PPM1H: variants seen among roughly 807,000 people sequenced by gnomAD.
The protein encoded by PPM1H is protein phosphatase 1H.
PPM1H carries 27 observed loss-of-function variants against 54.9 expected under a neutral mutation model. The observed-to-expected ratio is 0.49, with a 90% CI of 0.36 to 0.68. PPM1H has a LOEUF of 0.68. Among genes scored for constraint, PPM1H ranks in the 30% least tolerant of loss-of-function variants. The pLI is 0.00. For missense variants in PPM1H, 596 were observed against 667.8 expected (o/e 0.89, Z 1.19); for synonymous variants, 305 against 270.8 (o/e 1.13, Z -1.24).
At chr12:62,735,544 C>T (rs2076345513) in intron 5 of PPM1H, among the ~76,000 whole-genome samples, 1 of 152,274 alleles carries the variant, frequency 6.6e-6, no homozygotes, top group Admixed American at 6.5e-5. Context: ...GTTCAGTAAA[C>T]AGATACTGGT....
chr12:62,830,879 G>A (rs986478106), intron 2 of PPM1H, among the ~76,000 whole-genome samples: 2 of 152,062 alleles, frequency 1.3e-5, no homozygotes, highest in African/African-American at 4.8e-5. Context: ...TTTTGAGATG[G>A]AGTCTGCACT....
intron 1 of PPM1H, among the ~76,000 whole-genome samples, chr12:62,859,758 C>T (rs1869529889): frequency 1.3e-5 from 2 of 152,190 alleles, no homozygotes; most frequent in Non-Finnish European, 2.9e-5. Flanking sequence ...CTTCACATCC[C>T]AAGGGACAAA....
intron 1 of PPM1H, among the ~76,000 whole-genome samples, chr12:62,878,142 C>T (rs986182575): frequency 2.0e-5 from 3 of 152,180 alleles, no homozygotes; most frequent in African/African-American, 7.2e-5. Context: ...TCGTGATCCA[C>T]CCACCTCGGC....
At chr12:62,838,018 C>T (rs1868555943) in intron 1 of PPM1H, among the ~76,000 whole-genome samples, 1 of 152,212 alleles carries the variant, frequency 6.6e-6, no homozygotes, top group Non-Finnish European at 1.5e-5. Flanking sequence ...GAACATGCTG[C>T]TTCCAGATTC....
intron 1 of PPM1H, among the ~76,000 whole-genome samples, chr12:62,893,889 C>A (rs1302718332): frequency 3.3e-5 from 5 of 152,150 alleles, no homozygotes; most frequent in African/African-American, 9.7e-5. Flanking sequence ...TTGGGGGACA[C>A]AATTCAGCCT....
At chr12:62,769,802 T>C (rs1023329500) in intron 4 of PPM1H, among the ~76,000 whole-genome samples, 8 of 152,168 alleles carry the variant, frequency 5.3e-5, no homozygotes, top group Non-Finnish European at 2.9e-5. Flanking sequence ...GATCGGTGCC[T>C]TTCTCCAAAG....
chr12:62,768,825 T>C (rs2076561088), intron 4 of PPM1H, among the ~76,000 whole-genome samples: 1 of 152,032 alleles, frequency 6.6e-6, no homozygotes, highest in East Asian at 1.9e-4. Flanking sequence ...AGAACACTGG[T>C]GGAAGAAATC....
chr12:62,931,013 G>T (rs1872115873), intron 1 of PPM1H, among the ~76,000 whole-genome samples: 1 of 152,166 alleles, frequency 6.6e-6, no homozygotes, highest in African/African-American at 2.4e-5. Flanking sequence ...AGTCTAGCAG[G>T]GATTGCTTAC....
intron 8 of PPM1H, among the ~76,000 whole-genome samples, chr12:62,680,028 G>A (rs1233325658): frequency 1.3e-5 from 2 of 152,072 alleles, no homozygotes; most frequent in African/African-American, 4.8e-5. Flanking sequence ...TTCCCTCCCT[G>A]TACAAGCATG....
chr12:62,701,180 A>C (rs1592551471), intron 6 of PPM1H, among the ~76,000 whole-genome samples: 1 of 152,216 alleles, frequency 6.6e-6, no homozygotes. Flanking sequence ...TCCATAATAT[A>C]TTTGCAAAAC....
Position 62,934,342 on chromosome 12 carries a change from C to T in PPM1H, c.245+150G>A. 1 of 1,146,486 alleles carries T rather than the reference C, an allele frequency of 8.7e-7. No individual in the cohort carries two copies. Among genetic ancestry groups the T allele is most frequent in the Non-Finnish European group, 1.2e-6 (1 of 855,350 alleles). The allele number at this position is 1,146,486 out of a possible 1,614,324, so 71.0% of individuals were successfully genotyped here. On this transcript the variant is annotated intron_variant, in intron 1 of 9. Coordinates refer to ENST00000228705, the MANE Select transcript of PPM1H (RefSeq NM_020700.2). This position sits in a 1 kb window ranked among gnomAD's most constrained non-coding sequence, Gnocchi z 4.2. ...GGGAGTGGGGAGAAGAGGGAAATGG[C>T]CAGTGTAAGTAAAGAGCTCCCCGCC... is the stretch of plus-strand genomic sequence containing the variant.
chr12:62,819,119 C>T (rs2076887115), intron 2 of PPM1H, among the ~76,000 whole-genome samples: 1 of 141,344 alleles, frequency 7.1e-6, no homozygotes, highest in Non-Finnish European at 1.5e-5. Context: ...ACTGCGCCGG[C>T]CAAAACATTG....
chr12:62,828,409 A>G (rs928700859), intron 2 of PPM1H, among the ~76,000 whole-genome samples: 5 of 152,160 alleles, frequency 3.3e-5, no homozygotes, highest in African/African-American at 1.2e-4. Context: ...GTGTCTTTCA[A>G]TTGTCCAGAA....
intron 1 of PPM1H, among the ~76,000 whole-genome samples, chr12:62,835,299 C>T (rs150753803): frequency 2.4e-4 from 36 of 152,340 alleles, no homozygotes; most frequent in African/African-American, 7.9e-4. Context: ...AGCAAGAGGT[C>T]TTAGAAACTT....
chr12:62,668,684 GT>G (rs10710091), intron 8 of PPM1H, among the ~76,000 whole-genome samples: 45,388 of 152,068 alleles, frequency 0.3, 7,282 homozygotes, highest in African/African-American at 0.41. Flanking sequence ...GCCCATTCCT[GT>G]TATTTTCTAA....
At chr12:62,926,551 AT>A in intron 1 of PPM1H, among the ~76,000 whole-genome samples, 1 of 152,372 alleles carries the variant, frequency 6.6e-6, no homozygotes, top group African/African-American at 2.4e-5. Context: ...TAGAAAAAAT[AT>A]CACAACATAA....
intron 1 of PPM1H, among the ~76,000 whole-genome samples, chr12:62,911,422 A>C (rs1871456762): frequency 6.6e-6 from 1 of 152,202 alleles, no homozygotes; most frequent in Non-Finnish European, 1.5e-5. Context: ...TCAGATTTCC[A>C]AGAAATATGT....
intron 1 of PPM1H, among the ~76,000 whole-genome samples, chr12:62,903,232 C>T (rs1426078338): frequency 1.3e-5 from 2 of 152,120 alleles, no homozygotes; most frequent in East Asian, 3.9e-4. Context: ...CCTCCATCCA[C>T]ATCAAGTCTG....
At chr12:62,691,153 T>C (rs1187739391) in intron 7 of PPM1H, among the ~76,000 whole-genome samples, 1 of 152,078 alleles carries the variant, frequency 6.6e-6, no homozygotes, top group East Asian at 1.9e-4. Context: ...AGGTGGCACT[T>C]AGCACAGAAA....
Sources: allele counts gnomAD v4.1 joint callset (sites outside exome capture counted in the v4.1 genomes callset), GRCh38; gene constraint gnomAD v4.1.1; non-coding constraint Gnocchi (gnomAD v3.1); transcripts MANE v1.5; gene names NCBI Gene and HGNC (gene_info 2026-07-23, HGNC 2026-07-21).